CA10: variants seen among roughly 807,000 people sequenced by gnomAD.
CA10 encodes carbonic anhydrase 10 (inactive), also known as carbonic anhydrase-related protein 10.
A neutral mutation model predicts 44.2 loss-of-function variants in CA10; 14 were observed. That is an observed-to-expected ratio of 0.32 (90% CI 0.21 to 0.50). CA10 has a LOEUF of 0.50. Among genes scored for constraint, CA10 ranks in the 20% least tolerant of loss-of-function variants. CA10 has a pLI of 0.99. For missense variants in CA10, 350 were observed against 409.7 expected (o/e 0.85, Z 1.26); for synonymous variants, 159 against 141.6 (o/e 1.12, Z -0.87).
At chr17:52,144,997 G>C (rs1207828375) in intron 1 of CA10, among the ~76,000 whole-genome samples, 1 of 152,136 alleles carries the variant, frequency 6.6e-6, no homozygotes. Flanking sequence ...CATCAGAGTT[G>C]AGGTTAAATA....
chr17:51,748,140 G>A (rs150660713), intron 3 of CA10, among the ~76,000 whole-genome samples: 175 of 152,328 alleles, frequency 1.1e-3, no homozygotes, highest in African/African-American at 3.6e-3. Flanking sequence ...ATTTGGAATG[G>A]AAAGATACTG....
At chr17:51,635,606 TA>T (rs1353525278) in intron 7 of CA10, among the ~76,000 whole-genome samples, 1 of 152,088 alleles carries the variant, frequency 6.6e-6, no homozygotes, top group Non-Finnish European at 1.5e-5. Context: ...CACTAGAAGC[TA>T]GGGGAGAGGC....
intron 1 of CA10, among the ~76,000 whole-genome samples, chr17:52,089,075 T>C (rs545600042): frequency 2.0e-5 from 3 of 152,190 alleles, no homozygotes; most frequent in African/African-American, 4.8e-5. Flanking sequence ...GATCATGTAA[T>C]CACGAATTTC....
At chr17:51,724,208 C>T (rs1916443385) in intron 4 of CA10, among the ~76,000 whole-genome samples, 1 of 152,196 alleles carries the variant, frequency 6.6e-6, no homozygotes, top group Admixed American at 6.5e-5. Flanking sequence ...CAGACACACC[C>T]ATTCTCATGA....
At chr17:52,020,958 A>G (rs571195520) in intron 2 of CA10, among the ~76,000 whole-genome samples, 1 of 152,084 alleles carries the variant, frequency 6.6e-6, no homozygotes, top group South Asian at 2.1e-4. Context: ...AGCATCACTC[A>G]TTGTTGCTGC....
chr17:51,779,210 G>T (rs1322658004), intron 3 of CA10, among the ~76,000 whole-genome samples: 1 of 152,060 alleles, frequency 6.6e-6, no homozygotes, highest in African/African-American at 2.4e-5. Context: ...CCTGTGGAGG[G>T]GCCTGGTGTC....
intron 1 of CA10, among the ~76,000 whole-genome samples, chr17:52,110,138 T>C (rs1434717792): frequency 6.6e-6 from 1 of 152,204 alleles, no homozygotes; most frequent in Non-Finnish European, 1.5e-5. Flanking sequence ...AAGCATGTGA[T>C]AAAATCTCTA....
chr17:51,863,271 C>T (rs1350081546), intron 3 of CA10, among the ~76,000 whole-genome samples: 1 of 152,188 alleles, frequency 6.6e-6, no homozygotes, highest in African/African-American at 2.4e-5. Flanking sequence ...ATTCCATACG[C>T]TGCTCTTTCT....
chr17:51,643,182 T>A (rs1040015346), intron 6 of CA10, among the ~76,000 whole-genome samples: 22 of 152,138 alleles, frequency 1.4e-4, no homozygotes, highest in African/African-American at 4.6e-4. Flanking sequence ...AATCTCTTTT[T>A]AAAAAATAAT....
At chr17:51,650,713 T>C (rs1280743481) in intron 5 of CA10, among the ~76,000 whole-genome samples, 1 of 152,182 alleles carries the variant, frequency 6.6e-6, no homozygotes, top group African/African-American at 2.4e-5. Context: ...AGGAATATAT[T>C]GTCGTGGCAG....
At chr17:51,841,651 A>G (rs7215018) in intron 3 of CA10, among the ~76,000 whole-genome samples, 33,036 of 151,980 alleles carry the variant, frequency 0.22, 6,757 homozygotes, top group African/African-American at 0.54. Context: ...ATGGGCAGAA[A>G]CTCCCTCCAA....
intron 4 of CA10, among the ~76,000 whole-genome samples, chr17:51,688,432 G>A (rs1002610926): frequency 6.6e-6 from 1 of 152,040 alleles, no homozygotes; most frequent in African/African-American, 2.4e-5. Flanking sequence ...AATCTTTTTT[G>A]AATTACGGTT....
intron 2 of CA10, among the ~76,000 whole-genome samples, chr17:51,941,314 C>A (rs1399133151): frequency 2.6e-5 from 4 of 152,116 alleles, no homozygotes; most frequent in African/African-American, 9.7e-5. Context: ...TGCGAGAATC[C>A]ACAGGAAGGC....
At chr17:51,813,289 T>G (rs1907443228) in intron 3 of CA10, among the ~76,000 whole-genome samples, 1 of 152,228 alleles carries the variant, frequency 6.6e-6, no homozygotes, top group Non-Finnish European at 1.5e-5. Flanking sequence ...ATTGTGCCAT[T>G]ATATCAGAAC....
At chr17:52,120,991 T>C (rs1989003517) in intron 1 of CA10, among the ~76,000 whole-genome samples, 1 of 152,242 alleles carries the variant, frequency 6.6e-6, no homozygotes, top group Non-Finnish European at 1.5e-5. Flanking sequence ...AACTTGTTTA[T>C]GGTAGGACTG....
chr17:51,967,024 C>T (rs1195715646), intron 2 of CA10, among the ~76,000 whole-genome samples: 1 of 151,372 alleles, frequency 6.6e-6, no homozygotes, highest in Admixed American at 6.6e-5. Flanking sequence ...AAAACCAACC[C>T]CATTAAAAAG....
chr17:51,822,464 C>CA (rs1203892680), intron 3 of CA10, among the ~76,000 whole-genome samples: 1 of 151,852 alleles, frequency 6.6e-6, no homozygotes, highest in Admixed American at 6.6e-5. Context: ...AAACAAAAAA[C>CA]AAAAAAACCA....
chr17:52,140,900 C>T (rs753239490), intron 1 of CA10, among the ~76,000 whole-genome samples: 1 of 152,144 alleles, frequency 6.6e-6, no homozygotes, highest in Non-Finnish European at 1.5e-5. Context: ...AAATGCTCTA[C>T]CAAGTGCAGA....
At position 51,796,798 on chromosome 17, in the gene CA10, G is replaced by A. The variant is rs374672345; in HGVS notation, c.280-48980C>T. On this transcript the variant is annotated intron_variant, in intron 3 of 8. Coordinates refer to ENST00000451037, the MANE Select transcript of CA10 (RefSeq NM_020178.5). Reference sequence around the variant, plus strand: ...GCTAAGCCCGCTTGCATCCATGCAAGGAGCCCTCTACTTTCACACAGACCA... The same window carrying A: ...GCTAAGCCCGCTTGCATCCATGCAAAGAGCCCTCTACTTTCACACAGACCA... Among the ~76,000 whole-genome samples, 52 of 152,246 alleles carry A rather than the reference G, an allele frequency of 3.4e-4. No homozygotes were observed. The East Asian group carries it at 7.7e-3, about 23-fold the overall frequency.
Sources: allele counts gnomAD v4.1 joint callset (sites outside exome capture counted in the v4.1 genomes callset), GRCh38; gene constraint gnomAD v4.1.1; transcripts MANE v1.5; gene names NCBI Gene and HGNC (gene_info 2026-07-23, HGNC 2026-07-21).